PARD3B: variants seen among roughly 807,000 people sequenced by gnomAD.
PARD3B encodes the protein partitioning defective 3 homolog B.
A neutral mutation model predicts 130.2 loss-of-function variants in PARD3B; 103 were observed. That is an observed-to-expected ratio of 0.79 (90% CI 0.67 to 0.93). The LOEUF (loss-of-function observed/expected upper bound fraction) is 0.93. Among genes scored for constraint, PARD3B ranks in the 40% least tolerant of loss-of-function variants. The pLI is 0.00. For synonymous variants in PARD3B, 583 were observed against 553.2 expected (o/e 1.05, Z -0.76); for missense variants, 1,609 against 1,499.2 (o/e 1.07, Z -1.21).
chr2:205,013,554 G>A (rs547125241), intron 3 of PARD3B, among the ~76,000 whole-genome samples: 13 of 152,198 alleles, frequency 8.5e-5, no homozygotes, highest in Admixed American at 3.3e-4. Flanking sequence ...TACGTTGGGC[G>A]TTGTAGGGTG....
At position 204,590,457 on chromosome 2, in the gene PARD3B, A is replaced by C. The variant is rs184775669; in HGVS notation, c.120+44338A>C. Reference sequence around the variant, plus strand: ...TGCAAATGGACCTGTCTTTATGCATACTCTCCTTTATTGTTGATGTGGGTG... The same window carrying C: ...TGCAAATGGACCTGTCTTTATGCATCCTCTCCTTTATTGTTGATGTGGGTG... On this transcript the variant is annotated intron_variant, in intron 1 of 22. Coordinates refer to ENST00000406610, the MANE Select transcript of PARD3B (RefSeq NM_001302769.2). 2.6e-3 allele frequency among the ~76,000 whole-genome samples: 401 copies of C among 152,156 alleles called. 1 individual carries two copies. The highest frequency in any genetic ancestry group is 9.4e-3 in the African/African-American group (390 of 41,514).
At chr2:205,083,661 T>A (rs1357681498) in intron 4 of PARD3B, among the ~76,000 whole-genome samples, 1 of 152,038 alleles carries the variant, frequency 6.6e-6, no homozygotes, top group Non-Finnish European at 1.5e-5. Flanking sequence ...ATTAATGATT[T>A]CAAATGTGGC....
At chr2:205,166,282 T>C (rs1022039524) in intron 11 of PARD3B, among the ~76,000 whole-genome samples, 22 of 152,158 alleles carry the variant, frequency 1.4e-4, no homozygotes, top group African/African-American at 5.3e-4. Flanking sequence ...TTTAATTCTG[T>C]CTGGGGAGAA....
rs2055401026 is a variant in PARD3B at position 205,615,580 on chromosome 2, C to G, written c.3385C>G (p.Pro1129Ala). 6.2e-7 allele frequency: 1 copy of G among 1,614,112 alleles called. No homozygotes were observed. The change falls in exon 23 of 23, where the codon CCC (proline) becomes GCC (alanine). Residue 1129 changes from proline (P) to alanine (A), a missense_variant. Pro to Ala is a conservative substitution (Grantham distance 27). Transcript: ENST00000406610. The stretch of plus-strand genomic sequence containing the variant: ...CCCTCCCAAAGGGAGCTATCCCCGC[C>G]CCACAGAGCTCAGGGTGGCAGATCT... The part of the protein sequence containing the change: ...MHPPKGSYPR[P>A]TELRVADLRY...
At chr2:205,524,032 T>TTTAGGTTTTTAATATTGATGA (rs1470618114) in intron 21 of PARD3B, among the ~76,000 whole-genome samples, 1 of 152,102 alleles carries the variant, frequency 6.6e-6, no homozygotes, top group Non-Finnish European at 1.5e-5. Flanking sequence ...TTCTATTATC[T>TTTAGGTTTTTAATATTGATGA]TTAGGTTTTT....
intron 11 of PARD3B, among the ~76,000 whole-genome samples, chr2:205,164,262 A>T (rs1338512388): frequency 6.6e-6 from 1 of 152,220 alleles, no homozygotes; most frequent in African/African-American, 2.4e-5. Context: ...CTTATTTATG[A>T]ATTTTCTACC....
chr2:204,977,667 C>T (rs2125196282), intron 3 of PARD3B, among the ~76,000 whole-genome samples: 1 of 152,108 alleles, frequency 6.6e-6, no homozygotes, highest in East Asian at 1.9e-4. Context: ...AAAAAATTCT[C>T]TGGGCATGGT....
chr2:204,855,950 T>A (rs973421294), intron 2 of PARD3B, among the ~76,000 whole-genome samples: 12 of 152,240 alleles, frequency 7.9e-5, no homozygotes, highest in African/African-American at 2.9e-4. Context: ...CATTCATTTG[T>A]TGATGAATAG....
In PARD3B at chr2:204,583,368, C is replaced by T. The variant is rs542419077; in HGVS notation, c.120+37249C>T. ...GAAACCATCATTCTCAGTAAACTAT[C>T]TCAAGAACAAAAAACCAAACACCGC... On this transcript the variant is annotated intron_variant, in intron 1 of 22. Transcript: ENST00000406610. Among the ~76,000 whole-genome samples, 478 of 104,944 alleles carry T rather than the reference C, an allele frequency of 4.6e-3. 2 individuals are homozygous for T. The highest frequency in any genetic ancestry group is 0.017 in the African/African-American group (461 of 27,378). 68.8% of individuals were successfully genotyped at this position (104,944 alleles called of 152,430 possible). A position where few individuals can be genotyped will look rare whatever the true frequency, so the allele number is the denominator to read the frequency against.
At chr2:204,836,650 G>A (rs753352023) in intron 2 of PARD3B, among the ~76,000 whole-genome samples, 1 of 152,074 alleles carries the variant, frequency 6.6e-6, no homozygotes, top group Non-Finnish European at 1.5e-5. Flanking sequence ...GACAGAGTGA[G>A]ACTCCATCTC....
Position 204,804,526 on chromosome 2 carries a change from A to T in PARD3B, c.222+118244A>T, listed in dbSNP as rs115534544. 6.9e-3 allele frequency among the ~76,000 whole-genome samples: 1,054 copies of T among 152,238 alleles called. 10 individuals are homozygous for T. The highest frequency in any genetic ancestry group is 0.023 in the African/African-American group (958 of 41,564). On this transcript the variant is annotated intron_variant, in intron 2 of 22. Coordinates refer to ENST00000406610, the MANE Select transcript of PARD3B (RefSeq NM_001302769.2). ...AATATTACTGTAGTGAAAGATAGAG[A>T]CCCCAATATGTTAATAGCTGGAGAC...
At chr2:204,642,736 C>T (rs966764284) in intron 1 of PARD3B, among the ~76,000 whole-genome samples, 8 of 151,790 alleles carry the variant, frequency 5.3e-5, no homozygotes, top group Non-Finnish European at 1.2e-4. Context: ...GGAGGAGGGG[C>T]CTGGTGGGAG....
At chr2:205,200,801 G>A (rs1420690040) in intron 15 of PARD3B, among the ~76,000 whole-genome samples, 9 of 152,170 alleles carry the variant, frequency 5.9e-5, no homozygotes, top group South Asian at 2.1e-4. Context: ...CTGAGGGGAC[G>A]TGAAGGTATT....
intron 6 of PARD3B, 96 bp from the exon 7 acceptor site, chr2:205,118,825 A>G: frequency 1.1e-6 from 1 of 909,652 alleles, no homozygotes; most frequent in Non-Finnish European, 1.6e-6. Flanking sequence ...TCTTTTGTAA[A>G]TAGAAATCAA....
intron 15 of PARD3B, among the ~76,000 whole-genome samples, chr2:205,196,495 G>A (rs918979141): frequency 3.9e-5 from 6 of 152,000 alleles, no homozygotes; most frequent in African/African-American, 1.4e-4. Flanking sequence ...TTTTTAGTTT[G>A]ATTGTGATAT....
At chr2:205,223,914 C>T (rs1207734643) in intron 15 of PARD3B, among the ~76,000 whole-genome samples, 1 of 152,078 alleles carries the variant, frequency 6.6e-6, no homozygotes, top group Non-Finnish European at 1.5e-5. Context: ...TTTATCCTGT[C>T]ATTGTATTAC....
At chr2:204,847,968 A>G (rs74655921) in intron 2 of PARD3B, among the ~76,000 whole-genome samples, 1 of 152,176 alleles carries the variant, frequency 6.6e-6, no homozygotes, top group African/African-American at 2.4e-5. Context: ...AAAAGTTACA[A>G]TCATTCATCT....
At position 205,056,901 on chromosome 2, in the gene PARD3B, AT is replaced by A. The variant is rs1387310393; in HGVS notation, c.504+9212del. On this transcript the variant is annotated intron_variant, in intron 4 of 22. Transcript: ENST00000406610. ...AGGACACAAACACACACACACACACATACACACACACACATATATATATATA... is the reference window on the plus strand; with the variant it reads ...AGGACACAAACACACACACACACACAACACACACACACATATATATATATA... Among the ~76,000 whole-genome samples, 3 of 141,640 alleles carry A rather than the reference AT, an allele frequency of 2.1e-5. No individual in the cohort carries two copies. The East Asian group carries it at 6.7e-4, about 31-fold the overall frequency. 92.9% of individuals were successfully genotyped at this position (141,640 alleles called of 152,430 possible). A position where few individuals can be genotyped will look rare whatever the true frequency, so the allele number is the denominator to read the frequency against.
rs71410819 is a variant in PARD3B, at chr2:205,507,196, A to ATTTTTTTTTTTTTTTTTT, written c.3180+7184_3180+7201dup. 2.4e-4 allele frequency among the ~76,000 whole-genome samples: 6 copies of ATTTTTTTTTTTTTTTTTT among 25,174 alleles called. 2 individuals are homozygous for ATTTTTTTTTTTTTTTTTT. Among genetic ancestry groups the ATTTTTTTTTTTTTTTTTT allele is most frequent in the Non-Finnish European group, 3.3e-4 (5 of 15,164 alleles). The allele number at this position is 25,174 out of a possible 152,430, so 16.5% of individuals were successfully genotyped here. A position where few individuals can be genotyped will look rare whatever the true frequency, so the allele number is the denominator to read the frequency against. ...ACCTTCATGGCCAGACAGGTGCAGT[A>ATTTTTTTTTTTTTTTTTT]TTTTTTTTTTTTTTTTTTTTTTTTT... On this transcript the variant is annotated intron_variant, in intron 21 of 22. Coordinates refer to ENST00000406610, the MANE Select transcript of PARD3B (RefSeq NM_001302769.2).
Sources: allele counts gnomAD v4.1 joint callset (sites outside exome capture counted in the v4.1 genomes callset), GRCh38; gene constraint gnomAD v4.1.1; transcripts MANE v1.5; gene names NCBI Gene and HGNC (gene_info 2026-07-23, HGNC 2026-07-21).